C2CD5: variants seen among roughly 807,000 people sequenced by gnomAD.
C2CD5 encodes the protein C2 domain-containing protein 5.
In C2CD5, 109 loss-of-function variants were observed where a neutral mutation model predicts 130.3. The ratio of observed to expected loss-of-function variants is 0.84; its 90% CI spans 0.72 to 0.98. The LOEUF (loss-of-function observed/expected upper bound fraction) is 0.98. Ranked by LOEUF, C2CD5 falls within the 50% of genes least tolerant of loss-of-function variation. C2CD5 has a pLI of 0.00. For synonymous variants in C2CD5, 454 were observed against 429.2 expected (o/e 1.06, Z -0.71); for missense variants, 996 against 1,261.8 (o/e 0.79, Z 3.19).
chr12:22,472,610 G>A, intron 17 of C2CD5, 134 bp downstream of exon 17: 2 of 717,848 alleles, frequency 2.8e-6, no homozygotes, highest in South Asian at 3.2e-5. Context: ...CTACCTTGGA[G>A]TAGCAAAGTA....
At chr12:22,455,963 G>C (rs892012492) in intron 25 of C2CD5, among the ~76,000 whole-genome samples, 7 of 152,200 alleles carry the variant, frequency 4.6e-5, no homozygotes, top group East Asian at 1.9e-4. Flanking sequence ...GAGAATATAG[G>C]CGTGAGCCAC....
chr12:22,515,756 A>C (rs1026768100), intron 8 of C2CD5, among the ~76,000 whole-genome samples: 3 of 152,110 alleles, frequency 2.0e-5, no homozygotes, highest in East Asian at 3.9e-4. Flanking sequence ...TTAATACTTT[A>C]CTCTGATCAT....
At position 22,485,504 on chromosome 12, in the gene C2CD5, AT is replaced by A. The variant is rs920264468; in HGVS notation, c.1359-617del. On this transcript the variant is annotated intron_variant, in intron 12 of 26. Coordinates refer to ENST00000446597, the MANE Select transcript of C2CD5 (RefSeq NM_001286176.2). Reference sequence around the variant, plus strand: ...AATTAAAAAAAATCCAAGTGTAATAATTTTTTAATTTAATGTAAAAAAGTAT... The same window carrying A: ...AATTAAAAAAAATCCAAGTGTAATAATTTTTAATTTAATGTAAAAAAGTAT... Among the ~76,000 whole-genome samples, 10 of 152,108 alleles carry A rather than the reference AT, an allele frequency of 6.6e-5. No homozygotes were observed. The South Asian group carries it at 2.1e-3, about 31-fold the overall frequency.
At chr12:22,493,705 T>C (rs1946651611) in intron 10 of C2CD5, among the ~76,000 whole-genome samples, 1 of 152,048 alleles carries the variant, frequency 6.6e-6, no homozygotes, top group South Asian at 2.1e-4. Flanking sequence ...GTGAACACCT[T>C]ATGTGTTATA....
chr12:22,542,266 G>A (rs1170148349), intron 2 of C2CD5, among the ~76,000 whole-genome samples: 4 of 152,220 alleles, frequency 2.6e-5, no homozygotes, highest in African/African-American at 4.8e-5. Flanking sequence ...GGCCAGGCGT[G>A]GTGGCTCAGG....
intron 10 of C2CD5, chr12:22,497,462 A>G (rs1474818741): frequency 5.8e-6 from 1 of 173,038 alleles, no homozygotes; most frequent in Non-Finnish European, 1.1e-5. Flanking sequence ...ACAGTTATTC[A>G]ATCTAATTTA....
intron 9 of C2CD5, 24 bp downstream of exon 9, chr12:22,513,270 C>T: frequency 6.7e-7 from 1 of 1,488,184 alleles, no homozygotes; most frequent in Non-Finnish European, 9.4e-7. Context: ...AGTGTAAGAA[C>T]AAAGAATATC....
intron 22 of C2CD5, 54 bp downstream of exon 22, chr12:22,469,655 T>C (rs1237606517): frequency 1.1e-5 from 12 of 1,058,900 alleles, no homozygotes; most frequent in Non-Finnish European, 1.3e-5. Context: ...GAAGAAGCAG[T>C]GAAAGGAACT....
At chr12:22,515,195 A>G in intron 8 of C2CD5, 2 of 884,712 alleles carry the variant, frequency 2.3e-6, no homozygotes, top group Non-Finnish European at 2.7e-6. Context: ...TCAGAAGATG[A>G]TCAGAAAATG....
At chr12:22,469,644 T>C in intron 22 of C2CD5, 65 bp downstream of exon 22, 4 of 886,278 alleles carry the variant, frequency 4.5e-6, no homozygotes, top group Non-Finnish European at 6.9e-6. Flanking sequence ...TTTCCTATAA[T>C]GAAGAAGCAG....
At chr12:22,514,446 A>G (rs1949508355) in intron 8 of C2CD5, among the ~76,000 whole-genome samples, 1 of 152,178 alleles carries the variant, frequency 6.6e-6, no homozygotes, top group Admixed American at 6.5e-5. Context: ...TATACGAAGC[A>G]TATTAAAAGC....
At chr12:22,493,369 T>C (rs1413758396) in intron 10 of C2CD5, 32 bp from the exon 11 acceptor site, 2 of 1,107,048 alleles carry the variant, frequency 1.8e-6, no homozygotes, top group East Asian at 2.4e-5. Flanking sequence ...AGTTTATTAC[T>C]CAATAGCACA....
chr12:22,524,422 T>A, intron 6 of C2CD5, 50 bp downstream of exon 6: 1 of 1,544,832 alleles, frequency 6.5e-7, no homozygotes, highest in Non-Finnish European at 8.9e-7. Context: ...AAGCAAAAAA[T>A]TTAAGAGAGT....
intron 12 of C2CD5, among the ~76,000 whole-genome samples, chr12:22,486,633 C>A (rs1274207985): frequency 3.9e-5 from 6 of 152,106 alleles, no homozygotes; most frequent in African/African-American, 1.4e-4. Context: ...TGCTCTCTAA[C>A]ATCCTATACA....
rs1269688644 is a variant in C2CD5, at chr12:22,448,737, A to C, written c.*1023T>G. On this transcript the variant is annotated 3_prime_UTR_variant, in exon 27 of 27. Transcript: ENST00000446597. ...GTTATAAAGAAATATTATTGTGCAAAGGAGGAATGTAATATTTAAGGTTCA... is the reference window on the plus strand; with the variant it reads ...GTTATAAAGAAATATTATTGTGCAACGGAGGAATGTAATATTTAAGGTTCA... 3.3e-5 allele frequency: 5 copies of C among 152,702 alleles called. No homozygotes were observed. In the South Asian group the frequency reaches 1.0e-3, roughly 32 times the overall value. 9.5% of individuals were successfully genotyped at this position (152,702 alleles called of 1,614,324 possible).
At position 22,481,096 on chromosome 12, in the gene C2CD5, T is replaced by G. The variant is rs570400573; in HGVS notation, c.1737+1461A>C. Among the ~76,000 whole-genome samples, 67 of 152,280 alleles carry G rather than the reference T, an allele frequency of 4.4e-4. 1 individual carries two copies. The South Asian group carries it at 0.013, about 30-fold the overall frequency. On this transcript the variant is annotated intron_variant, in intron 14 of 26. Coordinates refer to ENST00000446597, the MANE Select transcript of C2CD5 (RefSeq NM_001286176.2). Reference sequence around the variant, plus strand: ...CTGGGATTACAGGCATGAGTCACCATGCCCGGCCTATGTATCAAATATTTT... The same window carrying G: ...CTGGGATTACAGGCATGAGTCACCAGGCCCGGCCTATGTATCAAATATTTT...
intron 13 of C2CD5, among the ~76,000 whole-genome samples, chr12:22,483,822 A>G (rs1945074757): frequency 6.6e-6 from 1 of 152,162 alleles, no homozygotes; most frequent in Non-Finnish European, 1.5e-5. Flanking sequence ...ATTAAAACAG[A>G]AAAGGCTAAT....
At chr12:22,507,914 T>C (rs1016997941) in intron 9 of C2CD5, among the ~76,000 whole-genome samples, 1 of 152,224 alleles carries the variant, frequency 6.6e-6, no homozygotes, top group African/African-American at 2.4e-5. Flanking sequence ...ATAGTAGTTA[T>C]AAATTTTTAT....
chr12:22,494,856 A>G (rs1043759096), intron 10 of C2CD5, among the ~76,000 whole-genome samples: 8 of 152,122 alleles, frequency 5.3e-5, no homozygotes, highest in Admixed American at 1.3e-4. Context: ...AATGAAATGT[A>G]TATAGTAACA....
Sources: allele counts gnomAD v4.1 joint callset (sites outside exome capture counted in the v4.1 genomes callset), GRCh38; gene constraint gnomAD v4.1.1; transcripts MANE v1.5; gene names NCBI Gene and HGNC (gene_info 2026-07-23, HGNC 2026-07-21).